Variants in PRKN observed in about 807,000 individuals in gnomAD.
The protein encoded by PRKN is parkin RBR E3 ubiquitin protein ligase.
Under a neutral mutation model 59.5 loss-of-function variants are expected in PRKN, and 56 were observed. The ratio of observed to expected loss-of-function variants is 0.94; its 90% CI spans 0.76 to 1.18. The LOEUF (loss-of-function observed/expected upper bound fraction) is 1.18, where lower values mean the gene tolerates loss of function less well. Among genes scored for constraint, PRKN ranks in the 50% most tolerant of loss-of-function variants. The pLI is 0.00. For synonymous variants in PRKN, 250 were observed against 222.1 expected (o/e 1.13, Z -1.12); for missense variants, 657 against 596.4 (o/e 1.10, Z -1.06).
At position 161,581,040 on chromosome 6, in the gene PRKN, A is replaced by AC. The variant is rs1781317764; in HGVS notation, c.872-11625_872-11624insG. 6.7e-5 allele frequency among the ~76,000 whole-genome samples: 8 copies of AC among 119,134 alleles called. No homozygotes were observed. The highest frequency in any genetic ancestry group is 1.1e-4 in the African/African-American group (3 of 27,732). 78.2% of individuals were successfully genotyped at this position (119,134 alleles called of 152,430 possible). A position where few individuals can be genotyped will look rare whatever the true frequency, so the allele number is the denominator to read the frequency against. ...AACACAGTGAAATCCTGTCTCTACT[A>AC]AACACACACACACACACACACACAC... On this transcript the variant is annotated intron_variant, in intron 7 of 11. Transcript: ENST00000366898. This position sits in a 1 kb window ranked among gnomAD's most constrained non-coding sequence, Gnocchi z 4.5.
chr6:162,703,927 T>C (rs1778246890), intron 1 of PRKN, among the ~76,000 whole-genome samples: 1 of 152,218 alleles, frequency 6.6e-6, no homozygotes, highest in Admixed American at 6.5e-5. Flanking sequence ...GTGCTGAGAC[T>C]ACAAGCGCAT....
rs553387243 is a variant in PRKN, at chr6:162,612,920, C to A, written c.7+114742G>T. Among the ~76,000 whole-genome samples, 20 of 152,250 alleles carry A rather than the reference C, an allele frequency of 1.3e-4. No individual in the cohort carries two copies. In the South Asian group the frequency reaches 3.7e-3, roughly 28 times the overall value. ...TGTAGGTTTGCAACTAGTCTCTTCC[C>A]ACCAACCTATAACCCCTTGGAAGTA... On this transcript the variant is annotated intron_variant, in intron 1 of 11. Coordinates refer to ENST00000366898, the MANE Select transcript of PRKN (RefSeq NM_004562.3).
At position 161,378,763 on chromosome 6, in the gene PRKN, C is replaced by T. The variant is rs993824260; in HGVS notation, c.1167+8031G>A. Among the ~76,000 whole-genome samples, 4 of 152,156 alleles carry T rather than the reference C, an allele frequency of 2.6e-5. No homozygotes were observed. Among genetic ancestry groups the T allele is most frequent in the Non-Finnish European group, 5.9e-5 (4 of 68,026 alleles). On this transcript the variant is annotated intron_variant, in intron 10 of 11. Coordinates refer to ENST00000366898, the MANE Select transcript of PRKN (RefSeq NM_004562.3). This position sits in a 1 kb window ranked among gnomAD's most constrained non-coding sequence, Gnocchi z 7.3. ...AGCTGCACTGTGATGTGGGCGCTATCCTCTAAGGTGAGATTTACACTCTGA... is the reference window on the plus strand; with the variant it reads ...AGCTGCACTGTGATGTGGGCGCTATTCTCTAAGGTGAGATTTACACTCTGA...
chr6:161,790,850 T>C (rs1311232568), intron 6 of PRKN, among the ~76,000 whole-genome samples: 1 of 152,188 alleles, frequency 6.6e-6, no homozygotes, highest in Non-Finnish European at 1.5e-5. Flanking sequence ...GACAGAAGTA[T>C]GGAGGGAAAG....
rs547998695 is a variant in PRKN, at chr6:161,998,232, T to C, written c.619-24815A>G. On this transcript the variant is annotated intron_variant, in intron 5 of 11. Coordinates refer to ENST00000366898, the MANE Select transcript of PRKN (RefSeq NM_004562.3). The stretch of plus-strand genomic sequence containing the variant: ...GAATATGAGAATAATGAGTTGACTA[T>C]TTTCAGCCCATTTATCAGCCTTAAC... Among the ~76,000 whole-genome samples, 6 of 152,208 alleles carry C rather than the reference T, an allele frequency of 3.9e-5. No homozygotes were observed. The East Asian group carries it at 1.2e-3, about 29-fold the overall frequency.
rs945957898 is a variant in PRKN at position 161,471,911 on chromosome 6, G to T, written c.1083+76943C>A. 3.3e-5 allele frequency among the ~76,000 whole-genome samples: 5 copies of T among 152,018 alleles called. No individual in the cohort carries two copies. The highest frequency in any genetic ancestry group is 1.2e-4 in the African/African-American group (5 of 41,400). ...GATAGTTTTCTTTTGCTATGTGGTG[G>T]CAAGACCTCACCTGGAATCTGTTTA... On this transcript the variant is annotated intron_variant, in intron 9 of 11. Coordinates refer to ENST00000366898, the MANE Select transcript of PRKN (RefSeq NM_004562.3). This position sits in a 1 kb window ranked among gnomAD's most constrained non-coding sequence, Gnocchi z 4.5.
chr6:161,428,552 A>G lies in PRKN; in HGVS notation c.1084-41675T>C, dbSNP rs1788498963. On this transcript the variant is annotated intron_variant, in intron 9 of 11. Coordinates refer to ENST00000366898, the MANE Select transcript of PRKN (RefSeq NM_004562.3). The surrounding 1 kb of genome is among the most constrained non-coding windows in gnomAD (Gnocchi z 4.0). ...GCCGTGGCACCTTCTTGCATCTCTAAGTGTGTGGCATTGTGGCTGCCTTTG... is the reference window on the plus strand; with the variant it reads ...GCCGTGGCACCTTCTTGCATCTCTAGGTGTGTGGCATTGTGGCTGCCTTTG... 2.0e-5 allele frequency among the ~76,000 whole-genome samples: 3 copies of G among 152,220 alleles called. No homozygotes were observed. In the South Asian group the frequency reaches 6.2e-4, roughly 32 times the overall value.
At chr6:162,477,534 C>A (rs1332354964) in intron 1 of PRKN, among the ~76,000 whole-genome samples, 1 of 152,146 alleles carries the variant, frequency 6.6e-6, no homozygotes, top group East Asian at 1.9e-4. Context: ...TTTTGCCAGT[C>A]CTTTCATTCA....
At chr6:162,407,237 G>A (rs548954327) in intron 2 of PRKN, among the ~76,000 whole-genome samples, 1 of 152,250 alleles carries the variant, frequency 6.6e-6, no homozygotes, top group African/African-American at 2.4e-5. Context: ...AGAGGTAACT[G>A]AAGCTTCAGC....
chr6:162,403,775 T>C (rs892786768), intron 2 of PRKN, among the ~76,000 whole-genome samples: 2 of 152,144 alleles, frequency 1.3e-5, no homozygotes, highest in Admixed American at 1.3e-4. Flanking sequence ...ACACAAGTCG[T>C]TGTAATTACA....
At chr6:162,155,130 C>G (rs1782453499) in intron 4 of PRKN, among the ~76,000 whole-genome samples, 1 of 147,144 alleles carries the variant, frequency 6.8e-6, no homozygotes. Flanking sequence ...AAATGACTTA[C>G]TCAGCTGTTT....
intron 7 of PRKN, among the ~76,000 whole-genome samples, chr6:161,622,143 G>C (rs1782927297): frequency 6.6e-6 from 1 of 152,220 alleles, no homozygotes; most frequent in African/African-American, 2.4e-5. Context: ...GGGTCCCCAG[G>C]CTGTTTGCAG....
chr6:161,986,279 A>G (rs980494425), intron 5 of PRKN, among the ~76,000 whole-genome samples: 1 of 152,236 alleles, frequency 6.6e-6, no homozygotes, highest in Non-Finnish European at 1.5e-5. Flanking sequence ...AAGCAGTCAC[A>G]GAGCTGTAAC....
intron 6 of PRKN, among the ~76,000 whole-genome samples, chr6:161,829,430 T>A (rs1164425241): frequency 1.3e-5 from 2 of 152,166 alleles, no homozygotes; most frequent in Admixed American, 1.3e-4. Flanking sequence ...GACATTTTGA[T>A]GAATCTAGGC....
chr6:161,985,714 A>C (rs563173135), intron 5 of PRKN, among the ~76,000 whole-genome samples: 1 of 152,328 alleles, frequency 6.6e-6, no homozygotes, highest in African/African-American at 2.4e-5. Flanking sequence ...TTCCAGGCCA[A>C]GCACACTGGC....
intron 6 of PRKN, among the ~76,000 whole-genome samples, chr6:161,949,742 C>T (rs1779917023): frequency 6.6e-6 from 1 of 152,184 alleles, no homozygotes; most frequent in Admixed American, 6.5e-5. Flanking sequence ...GACTAACCAC[C>T]TCCTCTGCAT....
In PRKN at chr6:161,349,982, G is replaced by A. The variant is rs1350054600; in HGVS notation, c.*117C>T. On this transcript the variant is annotated 3_prime_UTR_variant, in exon 12 of 12. Transcript: ENST00000366898. This position sits in a 1 kb window ranked among gnomAD's most constrained non-coding sequence, Gnocchi z 5.5. ...AGTTGGACTTTGAAAAAAACTTGAA[G>A]AGTGTGTGTGCGCGCGCGCGCGTGT... 15 of 745,598 alleles carry A rather than the reference G, an allele frequency of 2.0e-5. No homozygotes were observed. In the East Asian group the frequency reaches 4.1e-4, roughly 20 times the overall value. 46.2% of individuals were successfully genotyped at this position (745,598 alleles called of 1,614,324 possible).
intron 6 of PRKN, among the ~76,000 whole-genome samples, chr6:161,972,131 T>C (rs1780837748): frequency 6.6e-6 from 1 of 151,714 alleles, no homozygotes; most frequent in South Asian, 2.1e-4. Context: ...AAAATAAGCC[T>C]GGTGTGGTGG....
At chr6:162,360,509 ACT>A (rs1261643773) in intron 2 of PRKN, among the ~76,000 whole-genome samples, 3 of 152,216 alleles carry the variant, frequency 2.0e-5, no homozygotes, top group South Asian at 2.1e-4. Flanking sequence ...AAACCTGTCT[ACT>A]CTCGATACAG....
Sources: gnomAD v4.1 joint callset for allele counts (sites outside exome capture counted in the v4.1 genomes callset) on GRCh38, gnomAD v4.1.1 for gene constraint, Gnocchi (gnomAD v3.1) non-coding constraint, MANE v1.5 for transcripts, NCBI Gene and HGNC (gene_info 2026-07-23, HGNC 2026-07-21) for gene names.